CATSPERE: variants seen among roughly 807,000 people sequenced by gnomAD.
CATSPERE encodes the protein catsper channel auxiliary subunit epsilon, also known as cation channel sperm-associated auxiliary subunit epsilon.
A neutral mutation model predicts 114.1 loss-of-function variants in CATSPERE; 93 were observed. The ratio of observed to expected loss-of-function variants is 0.81; its 90% CI spans 0.69 to 0.97. CATSPERE has a LOEUF of 0.97. Among genes scored for constraint, CATSPERE ranks in the 50% least tolerant of loss-of-function variants. The pLI, the probability that CATSPERE is intolerant of heterozygous loss-of-function variation, is 0.00. For missense variants in CATSPERE, 1,058 were observed against 1,131.6 expected, an observed-to-expected ratio of 0.93 and a Z score of 0.93; for synonymous variants, 341 against 384.1, an observed-to-expected ratio of 0.89 and a Z score of 1.31.
At chr1:244,529,153 T>G (rs971650686) in intron 8 of CATSPERE, among the ~76,000 whole-genome samples, 4 of 152,246 alleles carry the variant, frequency 2.6e-5, no homozygotes, top group Admixed American at 2.0e-4. Flanking sequence ...AGTAGATATC[T>G]CTTCAATATA....
rs567157073 is a variant in CATSPERE, at chr1:244,573,064, C to T, written c.1950+292C>T. ...TTAATGCATGGCTTTCCTGTAGACTCCTGTTGTCTATTGTAGTATAACAAA... is the reference window on the plus strand; with the variant it reads ...TTAATGCATGGCTTTCCTGTAGACTTCTGTTGTCTATTGTAGTATAACAAA... On this transcript the variant is annotated intron_variant, in intron 11 of 21. Transcript: ENST00000366534. This position sits in a 1 kb window ranked among gnomAD's most constrained non-coding sequence, Gnocchi z 4.0. 3.2e-4 allele frequency among the ~76,000 whole-genome samples: 48 copies of T among 151,890 alleles called. 1 individual carries two copies. The highest frequency in any genetic ancestry group is 6.8e-3 in the Middle Eastern group (2 of 294).
At chr1:244,456,050 G>A (rs1297039497) in intron 1 of CATSPERE, among the ~76,000 whole-genome samples, 1 of 152,114 alleles carries the variant, frequency 6.6e-6, no homozygotes, top group Admixed American at 6.6e-5. Flanking sequence ...AGAGAAGCAT[G>A]CTTTGGCCAC....
chr1:244,570,700 A>G (rs779357733), intron 10 of CATSPERE, among the ~76,000 whole-genome samples: 1 of 152,262 alleles, frequency 6.6e-6, no homozygotes, highest in South Asian at 2.1e-4. Context: ...AGAAGGTGCT[A>G]TGAAAGCAAA....
rs766782749 is a variant in CATSPERE at position 244,561,116 on chromosome 1, A to G, written c.1478A>G (p.Asn493Ser). 4.4e-6 allele frequency: 7 copies of G among 1,601,430 alleles called. No homozygotes were observed. In the East Asian group the frequency reaches 1.6e-4, roughly 36 times the overall value. ...CATGGAAATCTATCAATGCTATCAA[A>G]TGACAGCATTATTCATGAAGTTTTC... is the stretch of plus-strand genomic sequence containing the variant. ...AGHGNLSMLS[N>S]DSIIHEVFID... is the part of the protein sequence containing the mutation. Residue 493 changes from asparagine to serine, a missense_variant, in exon 10 of 22, where the codon AAT (asparagine) becomes AGT (serine). Physicochemically the swap from Asn to Ser is conservative, Grantham distance 46. Transcript: ENST00000366534.
intron 10 of CATSPERE, among the ~76,000 whole-genome samples, chr1:244,567,473 T>C (rs537075652): frequency 6.6e-6 from 1 of 152,332 alleles, no homozygotes; most frequent in East Asian, 1.9e-4. Flanking sequence ...CCCATCACTT[T>C]CAGGTACACC....
chr1:244,562,713 C>T (rs1463044764), intron 10 of CATSPERE, among the ~76,000 whole-genome samples: 2 of 151,644 alleles, frequency 1.3e-5, no homozygotes, highest in Non-Finnish European at 2.9e-5. Flanking sequence ...TTTTTCTTGT[C>T]ATTTCCTTAT....
At chr1:244,519,839 T>A (rs553969045) in intron 8 of CATSPERE, among the ~76,000 whole-genome samples, 1 of 151,946 alleles carries the variant, frequency 6.6e-6, no homozygotes, top group Admixed American at 6.5e-5. Context: ...TCAGCCGCCA[T>A]ATTTGTGATT....
intron 9 of CATSPERE, among the ~76,000 whole-genome samples, chr1:244,556,454 A>G (rs1661590728): frequency 1.3e-5 from 2 of 152,218 alleles, no homozygotes; most frequent in South Asian, 4.1e-4. Context: ...CCACTAATTA[A>G]AAGGCAGAGA....
chr1:244,538,001 G>C (rs776707789), intron 8 of CATSPERE, among the ~76,000 whole-genome samples: 8 of 152,124 alleles, frequency 5.3e-5, no homozygotes, highest in African/African-American at 1.9e-4. Flanking sequence ...TCTATGTTAA[G>C]ACATATATGT....
chr1:244,603,185 G>C (rs1239162666), intron 17 of CATSPERE, among the ~76,000 whole-genome samples: 2 of 152,040 alleles, frequency 1.3e-5, no homozygotes, highest in Non-Finnish European at 2.9e-5. Context: ...TGGAAGAGTT[G>C]GTTACTATCT....
intron 17 of CATSPERE, among the ~76,000 whole-genome samples, chr1:244,595,927 C>T (rs1026297791): frequency 2.6e-5 from 4 of 151,542 alleles, no homozygotes; most frequent in African/African-American, 7.3e-5. Context: ...AGCGAGACTC[C>T]GTCTCAAAAA....
rs530150531 is a variant in CATSPERE, at chr1:244,474,131, A to G, written c.115-3410A>G. 4.9e-3 allele frequency among the ~76,000 whole-genome samples: 743 copies of G among 152,106 alleles called. 8 individuals are homozygous for G. Among genetic ancestry groups the G allele is most frequent in the African/African-American group, 0.017 (711 of 41,486 alleles). Reference sequence around the variant, plus strand: ...ACTGCAACCTCCGACTCCCAGGTTCAAGCAATTCTCTTGCCTGAGCCTCCT... The same window carrying G: ...ACTGCAACCTCCGACTCCCAGGTTCGAGCAATTCTCTTGCCTGAGCCTCCT... On this transcript the variant is annotated intron_variant, in intron 2 of 21. Transcript: ENST00000366534.
intron 8 of CATSPERE, among the ~76,000 whole-genome samples, chr1:244,538,546 A>G (rs1468580164): frequency 6.6e-6 from 1 of 152,212 alleles, no homozygotes; most frequent in Non-Finnish European, 1.5e-5. Flanking sequence ...ACCTTTGCCA[A>G]TATCCAAGAA....
intron 2 of CATSPERE, among the ~76,000 whole-genome samples, chr1:244,470,016 C>A (rs1222879028): frequency 6.6e-6 from 1 of 151,438 alleles, no homozygotes; most frequent in Admixed American, 6.6e-5. Context: ...GAATGTGGAC[C>A]CCACCTCAGA....
At chr1:244,490,370 G>T (rs972995763) in intron 5 of CATSPERE, 77 bp from the exon 6 acceptor site, 7 of 952,700 alleles carry the variant, frequency 7.3e-6, no homozygotes, top group Non-Finnish European at 1.1e-5. Flanking sequence ...TTAGAAACAT[G>T]TATCTTGAAA....
chr1:244,519,403 G>C (rs1439898394), intron 8 of CATSPERE, among the ~76,000 whole-genome samples: 3 of 152,144 alleles, frequency 2.0e-5, no homozygotes, highest in Admixed American at 1.3e-4. Context: ...ACAAACAGCA[G>C]GTCCTCAAAT....
intron 8 of CATSPERE, among the ~76,000 whole-genome samples, chr1:244,521,774 G>C (rs966739464): frequency 6.6e-6 from 1 of 152,128 alleles, no homozygotes; most frequent in Non-Finnish European, 1.5e-5. Flanking sequence ...GATAAATTCA[G>C]CTCATTGATG....
intron 5 of CATSPERE, among the ~76,000 whole-genome samples, chr1:244,481,502 T>C (rs561117514): frequency 5.3e-5 from 8 of 152,210 alleles, no homozygotes; most frequent in African/African-American, 1.7e-4. Flanking sequence ...TAGAGCTGAA[T>C]TGTAAAAAAG....
At chr1:244,517,217 A>G (rs1676783114) in intron 7 of CATSPERE, among the ~76,000 whole-genome samples, 1 of 152,014 alleles carries the variant, frequency 6.6e-6, no homozygotes, top group African/African-American at 2.4e-5. Context: ...ATCAAAAAAT[A>G]TATATTTTTA....
Sources: allele counts gnomAD v4.1 joint callset (sites outside exome capture counted in the v4.1 genomes callset), GRCh38; gene constraint gnomAD v4.1.1; non-coding constraint Gnocchi (gnomAD v3.1); transcripts MANE v1.5; gene names NCBI Gene and HGNC (gene_info 2026-07-23, HGNC 2026-07-21).